Variants in TACR3 observed in about 807,000 individuals in gnomAD.
TACR3 encodes neuromedin-K receptor.
In TACR3, 34 loss-of-function variants were observed where a neutral mutation model predicts 35.0. The observed-to-expected ratio is 0.97, with a 90% CI of 0.74 to 1.30. TACR3 has a LOEUF of 1.30. Ranked by LOEUF, TACR3 falls within the 50% of genes most tolerant of loss-of-function variation. TACR3 has a pLI of 0.00. For missense variants in TACR3, 558 were observed against 591.7 expected (o/e 0.94, Z 0.59); for synonymous variants, 233 against 221.1 (o/e 1.05, Z -0.48).
Position 103,719,116 on chromosome 4 carries a change from T to G in TACR3, c.548+12A>C. 6.2e-7 allele frequency: 1 copy of G among 1,614,164 alleles called. No individual in the cohort carries two copies. Among genetic ancestry groups the G allele is most frequent in the Non-Finnish European group, 8.5e-7 (1 of 1,180,010 alleles). On this transcript the variant is annotated intron_variant, in intron 1 of 4. Coordinates refer to ENST00000304883, the MANE Select transcript of TACR3 (RefSeq NM_001059.3). Reference sequence around the variant, plus strand: ...CTTCTCCCTCTTTCCTCTCTGTCTGTCCTCTCCTCACCTGTCCACCGCAAT... The same window carrying G: ...CTTCTCCCTCTTTCCTCTCTGTCTGGCCTCTCCTCACCTGTCCACCGCAAT...
rs1461212070 is a variant in TACR3, at chr4:103,629,880, ACAACAAC to A, written c.888+26307_888+26313del. Among the ~76,000 whole-genome samples, 53 of 130,568 alleles carry A rather than the reference ACAACAAC, an allele frequency of 4.1e-4. 1 individual carries two copies. Among genetic ancestry groups the A allele is most frequent in the African/African-American group, 7.1e-4 (22 of 31,184 alleles). The allele number at this position is 130,568 out of a possible 152,430, so 85.7% of individuals were successfully genotyped here. A position where few individuals can be genotyped will look rare whatever the true frequency, so the allele number is the denominator to read the frequency against. Reference sequence around the variant, plus strand: ...AAAAAACAAAAAAAAAACAAAAAAAACAACAACAACAACAAAAAAAAACAAAGCTGGA... The same window carrying A: ...AAAAAACAAAAAAAAAACAAAAAAAAAACAACAAAAAAAAACAAAGCTGGA... On this transcript the variant is annotated intron_variant, in intron 3 of 4. Transcript: ENST00000304883.
chr4:103,613,255 C>A (rs72945339), intron 3 of TACR3, among the ~76,000 whole-genome samples: 2,530 of 152,220 alleles, frequency 0.017, 71 homozygotes, highest in African/African-American at 0.053. Flanking sequence ...CTAGTCCCAA[C>A]CTTGCTAGTA....
Position 103,715,646 on chromosome 4 carries a change from T to C in TACR3, c.548+3482A>G, listed in dbSNP as rs111526538. Among the ~76,000 whole-genome samples, 1,316 of 152,290 alleles carry C rather than the reference T, an allele frequency of 8.6e-3. 15 individuals carry two copies. The highest frequency in any genetic ancestry group is 0.051 in the Middle Eastern group (15 of 294). On this transcript the variant is annotated intron_variant, in intron 1 of 4. Transcript: ENST00000304883. The stretch of plus-strand genomic sequence containing the variant: ...ATATTTAATTAAATACTCAGATCAA[T>C]ACTGGATCATATGCCCTGAAATTTT...
Position 103,587,695 on chromosome 4 carries a change from C to A in TACR3, c.*1987G>T, listed in dbSNP as rs1723795562. On this transcript the variant is annotated 3_prime_UTR_variant, in exon 5 of 5. Transcript: ENST00000304883. Reference sequence around the variant, plus strand: ...TAATTAATGCTAGTACCATATCATTCATAAATTTAAGAAAATAATAACTTT... The same window carrying A: ...TAATTAATGCTAGTACCATATCATTAATAAATTTAAGAAAATAATAACTTT... 1 of 152,026 alleles carries A rather than the reference C, an allele frequency of 6.6e-6. No individual in the cohort carries two copies. The highest frequency in any genetic ancestry group is 2.1e-4 in the South Asian group (1 of 4,826). The allele number at this position is 152,026 out of a possible 1,614,324, so 9.4% of individuals were successfully genotyped here. A position where few individuals can be genotyped will look rare whatever the true frequency, so the allele number is the denominator to read the frequency against.
At chr4:103,632,055 G>C (rs1725078805) in intron 3 of TACR3, among the ~76,000 whole-genome samples, 1 of 152,030 alleles carries the variant, frequency 6.6e-6, no homozygotes, top group South Asian at 2.1e-4. Context: ...ATTTACTAAA[G>C]TGAATACTCC....
chr4:103,654,564 G>C lies in TACR3; in HGVS notation c.888+1630C>G, dbSNP rs188201876. Among the ~76,000 whole-genome samples the C allele has an allele frequency of 1.4e-3, 128 of 94,522 alleles. 1 individual carries two copies. The highest frequency in any genetic ancestry group is 5.0e-3 in the African/African-American group (118 of 23,820). 62.0% of individuals were successfully genotyped at this position (94,522 alleles called of 152,430 possible). On this transcript the variant is annotated intron_variant, in intron 3 of 4. Transcript: ENST00000304883. ...ACTGTTGTGGGGTGGGGGGAGGGGG[G>C]AGGGATAGCATTAGGAGATATACCT...
At chr4:103,705,737 G>A (rs966289341) in intron 1 of TACR3, among the ~76,000 whole-genome samples, 1 of 152,178 alleles carries the variant, frequency 6.6e-6, no homozygotes, top group South Asian at 2.1e-4. Context: ...GAGAATTTGA[G>A]GGAGAAGGAA....
chr4:103,617,782 A>G (rs956031330), intron 3 of TACR3, among the ~76,000 whole-genome samples: 3 of 152,226 alleles, frequency 2.0e-5, no homozygotes, highest in Admixed American at 6.5e-5. Flanking sequence ...TTATTTTGAA[A>G]TATTCTACCC....
chr4:103,677,446 A>G (rs1427417421), intron 1 of TACR3, among the ~76,000 whole-genome samples: 3 of 152,148 alleles, frequency 2.0e-5, no homozygotes, highest in African/African-American at 7.2e-5. Context: ...AAACAAAGAC[A>G]TATAATCAAC....
chr4:103,619,839 T>C (rs536835085), intron 3 of TACR3, among the ~76,000 whole-genome samples: 1 of 152,338 alleles, frequency 6.6e-6, no homozygotes, highest in South Asian at 2.1e-4. Context: ...CTTGCAGATA[T>C]TGAAACAGCC....
At position 103,650,732 on chromosome 4, in the gene TACR3, T is replaced by TATTA. The variant is rs373261090; in HGVS notation, c.888+5461_888+5462insTAAT. Among the ~76,000 whole-genome samples, 56 of 35,370 alleles carry TATTA rather than the reference T, an allele frequency of 1.6e-3. 1 individual carries two copies. In the African/African-American group the frequency reaches 0.018, roughly 12 times the overall value. 23.2% of individuals were successfully genotyped at this position (35,370 alleles called of 152,430 possible). A position where few individuals can be genotyped will look rare whatever the true frequency, so the allele number is the denominator to read the frequency against. On this transcript the variant is annotated intron_variant, in intron 3 of 4. Coordinates refer to ENST00000304883, the MANE Select transcript of TACR3 (RefSeq NM_001059.3). ...ATAAATATATATAAATAAATATATATTATATCATATATAATATATATATTA... is the reference window on the plus strand; with the variant it reads ...ATAAATATATATAAATAAATATATATATTATATATCATATATAATATATATATTA...
intron 1 of TACR3, among the ~76,000 whole-genome samples, chr4:103,665,118 C>CT (rs1725909715): frequency 6.6e-6 from 1 of 151,896 alleles, no homozygotes; most frequent in African/African-American, 2.4e-5. Flanking sequence ...CGGCCCATAA[C>CT]TGTCTTAGAC....
chr4:103,709,517 A>G (rs1722886689), intron 1 of TACR3, among the ~76,000 whole-genome samples: 1 of 152,186 alleles, frequency 6.6e-6, no homozygotes, highest in Admixed American at 6.5e-5. Flanking sequence ...CACTAAAAAT[A>G]GAAAGGAGCA....
chr4:103,608,862 T>C (rs1262811013), intron 3 of TACR3, among the ~76,000 whole-genome samples: 1 of 152,142 alleles, frequency 6.6e-6, no homozygotes, highest in Non-Finnish European at 1.5e-5. Flanking sequence ...TTTCATCTAT[T>C]GTCTCCTAGT....
At chr4:103,598,040 A>T (rs919793053) in intron 3 of TACR3, among the ~76,000 whole-genome samples, 1 of 152,206 alleles carries the variant, frequency 6.6e-6, no homozygotes, top group Non-Finnish European at 1.5e-5. Context: ...CGACTTCCAC[A>T]GTGGTTGAAC....
intron 3 of TACR3, among the ~76,000 whole-genome samples, chr4:103,644,475 G>T (rs1725419258): frequency 1.3e-5 from 2 of 151,702 alleles, no homozygotes; most frequent in Non-Finnish European, 2.9e-5. Context: ...ATTTCAGAAT[G>T]ATATGAGATA....
chr4:103,683,774 A>T (rs180962319), intron 1 of TACR3, among the ~76,000 whole-genome samples: 1 of 152,036 alleles, frequency 6.6e-6, no homozygotes, highest in Admixed American at 6.6e-5. Flanking sequence ...TACATAATTG[A>T]AAAGTAGAGA....
chr4:103,702,899 T>C (rs1434828031), intron 1 of TACR3, among the ~76,000 whole-genome samples: 1 of 95,814 alleles, frequency 1.0e-5, no homozygotes, highest in Non-Finnish European at 1.9e-5. Context: ...TGGGACCTGT[T>C]GTGGGGTGGG....
rs576789310 is a variant in TACR3, at chr4:103,638,362, G to A, written c.888+17832C>T. On this transcript the variant is annotated intron_variant, in intron 3 of 4. Transcript: ENST00000304883. ...GGAAAGGATTCCCTATTTAATCAAT[G>A]GTGCTGGGAAAACTGGCTAGCCATA... Among the ~76,000 whole-genome samples the A allele has an allele frequency of 4.7e-4, 72 of 151,986 alleles. 1 individual carries two copies. The East Asian group carries it at 0.013, about 27-fold the overall frequency.
Sources: gnomAD v4.1 joint callset for allele counts (sites outside exome capture counted in the v4.1 genomes callset) on GRCh38, gnomAD v4.1.1 for gene constraint, MANE v1.5 for transcripts, NCBI Gene and HGNC (gene_info 2026-07-23, HGNC 2026-07-21) for gene names.